The following PPARGC1A variants were observed in gnomAD, a reference collection of about 807,000 sequenced individuals.
The protein encoded by PPARGC1A is PPARG coactivator 1 alpha.
In PPARGC1A, 25 loss-of-function variants were observed where a neutral mutation model predicts 88.7. That is an observed-to-expected ratio of 0.28 (90% CI 0.21 to 0.39). PPARGC1A has a LOEUF of 0.39. PPARGC1A is among the 10% of genes least tolerant of loss of function. PPARGC1A has a pLI of 1.00. For missense variants in PPARGC1A, 880 were observed against 968.7 expected (o/e 0.91, Z 1.22); for synonymous variants, 363 against 355.6 (o/e 1.02, Z -0.24).
chr4:23,971,872 C>T, the PPARGC1A span, among the ~76,000 whole-genome samples: 1 of 152,274 alleles, frequency 6.6e-6, no homozygotes, highest in South Asian at 2.1e-4. Context: ...GAAATGGACC[C>T]CCAGACCATG....
chr4:24,097,775 C>T, the PPARGC1A span, among the ~76,000 whole-genome samples: 9 of 152,170 alleles, frequency 5.9e-5, no homozygotes, highest in African/African-American at 1.2e-4. Context: ...TTCCAGTTCA[C>T]TGCTGCCCTG....
chr4:24,460,828 C>A, the PPARGC1A span, among the ~76,000 whole-genome samples: 1 of 152,172 alleles, frequency 6.6e-6, no homozygotes, highest in African/African-American at 2.4e-5. Flanking sequence ...TTTTAATCCA[C>A]AAAAAGTTTG....
At chr4:24,356,139 G>A in the PPARGC1A span, among the ~76,000 whole-genome samples, 1 of 151,592 alleles carries the variant, frequency 6.6e-6, no homozygotes, top group African/African-American at 2.4e-5. Context: ...AGAGGTTGCA[G>A]TGAGCTGAGA....
In PPARGC1A at chr4:23,840,063, C is replaced by T. The variant is rs559452355; in HGVS notation, c.235-8312G>A. Among the ~76,000 whole-genome samples the T allele has an allele frequency of 3.3e-5, 5 of 152,162 alleles. No homozygotes were observed. In the South Asian group the frequency reaches 6.2e-4, roughly 19 times the overall value. On this transcript the variant is annotated intron_variant, in intron 2 of 12. Coordinates refer to ENST00000264867, the MANE Select transcript of PPARGC1A (RefSeq NM_013261.5). The stretch of plus-strand genomic sequence containing the variant: ...AATATTTTATTCTCAACACAGAAGA[C>T]GAAGTGATCCTGATGCAACCTAAGT...
the PPARGC1A span, among the ~76,000 whole-genome samples, chr4:24,278,275 G>A: frequency 6.6e-6 from 1 of 152,176 alleles, no homozygotes; most frequent in East Asian, 1.9e-4. Flanking sequence ...ATACTACAAT[G>A]TACCAAGCAT....
At chr4:24,458,162 G>A in the PPARGC1A span, among the ~76,000 whole-genome samples, 1 of 152,262 alleles carries the variant, frequency 6.6e-6, no homozygotes, top group Non-Finnish European at 1.5e-5. Context: ...TGACTAATAT[G>A]TATGGTTGTT....
chr4:24,142,075 A>G, the PPARGC1A span, among the ~76,000 whole-genome samples: 6 of 152,242 alleles, frequency 3.9e-5, no homozygotes, highest in African/African-American at 2.4e-5. Flanking sequence ...AGTGCCACAT[A>G]CATGGAACAA....
chr4:23,866,885 T>A (rs1287983529), intron 2 of PPARGC1A, among the ~76,000 whole-genome samples: 1 of 152,162 alleles, frequency 6.6e-6, no homozygotes, highest in Non-Finnish European at 1.5e-5. Context: ...TCCTTCTTAT[T>A]TTGCTGCGCT....
At chr4:23,901,943 T>C (rs1577704814), upstream of PPARGC1A, among the ~76,000 whole-genome samples, 1 of 152,094 alleles carries the variant, frequency 6.6e-6, no homozygotes, top group Non-Finnish European at 1.5e-5. Flanking sequence ...GCTATCTAAG[T>C]CCAAAACTAT....
chr4:24,274,730 A>C, the PPARGC1A span, among the ~76,000 whole-genome samples: 2 of 152,164 alleles, frequency 1.3e-5, no homozygotes, highest in Non-Finnish European at 2.9e-5. Context: ...GATGAAAGAG[A>C]CCACCAAAAA....
the PPARGC1A span, among the ~76,000 whole-genome samples, chr4:24,227,379 C>T: frequency 8.5e-5 from 13 of 152,294 alleles, no homozygotes; most frequent in South Asian, 1.0e-3. Flanking sequence ...CATCACTTCT[C>T]ACAACATAGC....
intron 5 of PPARGC1A, among the ~76,000 whole-genome samples, chr4:23,826,453 G>T (rs945177394): frequency 6.6e-6 from 1 of 152,078 alleles, no homozygotes; most frequent in Non-Finnish European, 1.5e-5. Context: ...CACAACCATG[G>T]CTAGACAATC....
At chr4:24,348,189 A>T in the PPARGC1A span, among the ~76,000 whole-genome samples, 1 of 152,228 alleles carries the variant, frequency 6.6e-6, no homozygotes, top group Non-Finnish European at 1.5e-5. Flanking sequence ...TTAATCTGAC[A>T]GGTTTTCCTC....
At chr4:24,393,528 C>T in the PPARGC1A span, among the ~76,000 whole-genome samples, 8 of 152,146 alleles carry the variant, frequency 5.3e-5, no homozygotes, top group South Asian at 4.1e-4. Flanking sequence ...TATGGGCATG[C>T]GTGATTAACT....
At chr4:23,911,680 G>T in the PPARGC1A span, among the ~76,000 whole-genome samples, 1 of 152,010 alleles carries the variant, frequency 6.6e-6, no homozygotes, top group Non-Finnish European at 1.5e-5. Flanking sequence ...TGTCCATCAA[G>T]GACTAGAGAA....
the PPARGC1A span, among the ~76,000 whole-genome samples, chr4:24,431,419 A>G: frequency 1.3e-5 from 2 of 152,226 alleles, no homozygotes; most frequent in Admixed American, 6.5e-5. Context: ...TGGATAGAAG[A>G]ATGCAAACTC....
At chr4:24,044,332 C>T in the PPARGC1A span, among the ~76,000 whole-genome samples, 3 of 152,078 alleles carry the variant, frequency 2.0e-5, no homozygotes, top group Non-Finnish European at 4.4e-5. Flanking sequence ...CTTGAGGGTC[C>T]GATTCTAATC....
At chr4:24,113,280 A>AGATG in the PPARGC1A span, among the ~76,000 whole-genome samples, 2,787 of 152,216 alleles carry the variant, frequency 0.018, 81 homozygotes, top group African/African-American at 0.057. Context: ...AGAAATGAAG[A>AGATG]GATGGATGGA....
chr4:24,232,360 T>G, the PPARGC1A span, among the ~76,000 whole-genome samples: 6 of 152,204 alleles, frequency 3.9e-5, no homozygotes, highest in African/African-American at 1.4e-4. Context: ...TTGCTTAAAC[T>G]CCACTGTCAC....
Sources: gnomAD v4.1 joint callset for allele counts (sites outside exome capture counted in the v4.1 genomes callset) on GRCh38, gnomAD v4.1.1 for gene constraint, MANE v1.5 for transcripts, NCBI Gene and HGNC (gene_info 2026-07-23, HGNC 2026-07-21) for gene names.